Variants in MAGI2 observed in about 807,000 individuals in gnomAD.
MAGI2 encodes the protein membrane-associated guanylate kinase, WW and PDZ domain-containing protein 2.
Under a neutral mutation model 133.3 loss-of-function variants are expected in MAGI2, and 35 were observed. That is an observed-to-expected ratio of 0.26 (90% CI 0.20 to 0.35). The LOEUF (loss-of-function observed/expected upper bound fraction) is 0.35. MAGI2 is among the 10% of genes least tolerant of loss of function. The probability of loss-of-function intolerance (pLI) is 1.00; values close to 1 mark genes in which losing one functional copy is unlikely to be tolerated. For missense variants in MAGI2, 1,636 were observed against 1,863.4 expected, an observed-to-expected ratio of 0.88 and a Z score of 2.25; for synonymous variants, 729 against 710.6, an observed-to-expected ratio of 1.03 and a Z score of -0.41.
intron 6 of MAGI2, among the ~76,000 whole-genome samples, chr7:78,411,663 A>T (rs540715587): frequency 1.3e-5 from 2 of 152,196 alleles, no homozygotes; most frequent in African/African-American, 4.8e-5. Flanking sequence ...TGGAACAACC[A>T]ATAGTCTTCA....
At chr7:78,108,041 C>G (rs1005881156) in intron 20 of MAGI2, among the ~76,000 whole-genome samples, 2 of 151,604 alleles carry the variant, frequency 1.3e-5, no homozygotes, top group Non-Finnish European at 2.9e-5. Flanking sequence ...TCATGCTTTT[C>G]TAATTCTTTA....
At chr7:79,199,692 G>T in intron 1 of MAGI2, among the ~76,000 whole-genome samples, 1 of 151,882 alleles carries the variant, frequency 6.6e-6, no homozygotes, top group East Asian at 1.9e-4. Context: ...CTTTATCAGT[G>T]AAATCTCTGA....
chr7:79,365,867 CAAAAAAAA>C (rs71095399), intron 1 of MAGI2, among the ~76,000 whole-genome samples: 31 of 48,876 alleles, frequency 6.3e-4, no homozygotes, highest in African/African-American at 2.0e-3. Flanking sequence ...ACTCTTGTCT[CAAAAAAAA>C]AAAAAAAAAA....
chr7:78,535,583 A>G (rs1049794507), intron 3 of MAGI2, among the ~76,000 whole-genome samples: 9 of 75,238 alleles, frequency 1.2e-4, no homozygotes, highest in African/African-American at 8.9e-4. Context: ...TTTAACATCC[A>G]AACTGTTTTT....
chr7:78,134,494 A>AG (rs1821894994), intron 17 of MAGI2: 2 of 154,090 alleles, frequency 1.3e-5, no homozygotes, highest in Admixed American at 6.4e-5. Context: ...TTTGAGCCTC[A>AG]GGGGGGAGTC....
At chr7:79,349,832 CCTAATT>C (rs1254764624) in intron 1 of MAGI2, among the ~76,000 whole-genome samples, 1 of 151,958 alleles carries the variant, frequency 6.6e-6, no homozygotes, top group Non-Finnish European at 1.5e-5. Flanking sequence ...ACTTTATAAT[CCTAATT>C]CTATCACTTA....
In MAGI2 at chr7:78,423,866, T is replaced by G. The variant is rs561211382; in HGVS notation, c.1046-54653A>C. On this transcript the variant is annotated intron_variant, in intron 6 of 21. Transcript: ENST00000354212. ...GCAGCAAAGCATTCAAGAGGTGACT[T>G]GGATGCTGTTAAAAACATTCAGTTT... Among the ~76,000 whole-genome samples the G allele has an allele frequency of 5.9e-5, 9 of 152,228 alleles. 1 individual carries two copies. In the South Asian group the frequency reaches 1.9e-3, roughly 32 times the overall value.
chr7:78,019,865 G>A lies in MAGI2; in HGVS notation c.3818C>T (p.Pro1273Leu), dbSNP rs1315476303. 6 of 1,613,316 alleles carry A rather than the reference G, an allele frequency of 3.7e-6. No individual in the cohort carries two copies. The highest frequency in any genetic ancestry group is 2.2e-5 in the South Asian group (2 of 91,002). The change falls in exon 22 of 22, where the codon CCC (proline) becomes CTC (leucine). Residue 1273 changes from proline to leucine, a missense_variant. Coordinates refer to ENST00000354212, the MANE Select transcript of MAGI2 (RefSeq NM_012301.4). ...GCTTATCTGGTGGGAAGGGTCGGAG[G>A]GTGGGGCTGGATGTGATGGAGAGAA... is the stretch of plus-strand genomic sequence containing the variant. The part of the protein sequence containing the change: ...APFSPSHPAP[P>L]SDPSHQISPG...
In MAGI2 at chr7:79,183,617, G is replaced by A. The variant is rs145335901; in HGVS notation, c.302-176411C>T. Among the ~76,000 whole-genome samples the A allele has an allele frequency of 3.0e-3, 460 of 151,836 alleles. 12 individuals carry two copies. Among genetic ancestry groups the A allele is most frequent in the African/African-American group, 0.01 (421 of 41,398 alleles). On this transcript the variant is annotated intron_variant, in intron 1 of 21. Coordinates refer to ENST00000354212, the MANE Select transcript of MAGI2 (RefSeq NM_012301.4). ...TTCCCAATATTCATTTGAAGAACCT[G>A]CCCATTATTATTTTTTAATTATGCA...
chr7:79,369,509 G>C (rs1419824929), intron 1 of MAGI2, among the ~76,000 whole-genome samples: 3 of 152,188 alleles, frequency 2.0e-5, no homozygotes, highest in Non-Finnish European at 4.4e-5. Context: ...CTGTTGTAGA[G>C]AATGCAAGAA....
intron 21 of MAGI2, among the ~76,000 whole-genome samples, chr7:78,022,821 C>T (rs960756338): frequency 1.3e-5 from 2 of 152,190 alleles, no homozygotes; most frequent in Non-Finnish European, 2.9e-5. Context: ...TTTTTCATAT[C>T]GTAAAAGGTG....
rs1008685616 is a variant in MAGI2 at position 78,143,858 on chromosome 7, G to A, written c.2846-8652C>T. Among the ~76,000 whole-genome samples the A allele has an allele frequency of 6.0e-5, 9 of 151,106 alleles. No homozygotes were observed. In the East Asian group the frequency reaches 7.7e-4, roughly 13 times the overall value. On this transcript the variant is annotated intron_variant, in intron 16 of 21. Transcript: ENST00000354212. ...GCTTCATCAGCTCATTTCCAAAACT[G>A]CTATATGATCTTATTCAGTGTTGCT...
intron 9 of MAGI2, among the ~76,000 whole-genome samples, chr7:78,295,034 C>A (rs917149307): frequency 2.6e-5 from 4 of 152,134 alleles, no homozygotes; most frequent in Non-Finnish European, 4.4e-5. Context: ...TATCATTTAT[C>A]TGATAATGGC....
At chr7:78,962,280 A>C (rs1802910759) in intron 2 of MAGI2, among the ~76,000 whole-genome samples, 1 of 152,152 alleles carries the variant, frequency 6.6e-6, no homozygotes, top group Non-Finnish European at 1.5e-5. Flanking sequence ...GCTAGAAACA[A>C]ACTTGATTTT....
intron 1 of MAGI2, among the ~76,000 whole-genome samples, chr7:79,273,157 G>T (rs576004057): frequency 6.6e-6 from 1 of 152,156 alleles, no homozygotes; most frequent in South Asian, 2.1e-4. Context: ...GTCATACCAA[G>T]ATAACAGAGT....
intron 2 of MAGI2, among the ~76,000 whole-genome samples, chr7:78,712,690 C>T (rs1819314454): frequency 6.6e-6 from 1 of 152,108 alleles, no homozygotes; most frequent in Admixed American, 6.6e-5. Flanking sequence ...TATCGAATGA[C>T]AAGATCTACT....
chr7:78,281,162 C>T (rs1013390760), intron 9 of MAGI2, among the ~76,000 whole-genome samples: 2 of 152,068 alleles, frequency 1.3e-5, no homozygotes, highest in Admixed American at 1.3e-4. Flanking sequence ...ATCCATTTCT[C>T]CAGCACTTAT....
intron 2 of MAGI2, among the ~76,000 whole-genome samples, chr7:78,840,251 G>A (rs990475595): frequency 2.0e-5 from 3 of 152,116 alleles, no homozygotes; most frequent in African/African-American, 7.2e-5. Flanking sequence ...ACATATTTGT[G>A]CTGTTTTGGA....
chr7:79,451,485 A>C (rs150523801), intron 1 of MAGI2, among the ~76,000 whole-genome samples: 1 of 152,138 alleles, frequency 6.6e-6, no homozygotes, highest in Non-Finnish European at 1.5e-5. Context: ...TACCAAACTC[A>C]TATCCCTTCA....
Sources: gnomAD v4.1 joint callset for allele counts (sites outside exome capture counted in the v4.1 genomes callset) on GRCh38, gnomAD v4.1.1 for gene constraint, MANE v1.5 for transcripts, NCBI Gene and HGNC (gene_info 2026-07-23, HGNC 2026-07-21) for gene names.